The following OPA3 variants were observed in gnomAD, a reference collection of about 807,000 sequenced individuals.
OPA3 encodes the protein outer mitochondrial membrane lipid metabolism regulator OPA3.
A neutral mutation model predicts 4.0 loss-of-function variants in OPA3; 6 were observed. The ratio of observed to expected loss-of-function variants is 1.51; its 90% CI spans 0.83 to 2.99. The LOEUF (loss-of-function observed/expected upper bound fraction) is 2.99. Ranked by LOEUF, OPA3 falls within the 30% of genes most tolerant of loss-of-function variation. The probability of loss-of-function intolerance (pLI) is 0.00; values close to 1 mark genes in which losing one functional copy is unlikely to be tolerated. For missense variants in OPA3, 235 were observed against 256.2 expected (o/e 0.92, Z 0.56); for synonymous variants, 105 against 117.1 (o/e 0.90, Z 0.67).
At chr19:45,565,045 T>G (rs544170184) in intron 1 of OPA3, among the ~76,000 whole-genome samples, 34 of 151,158 alleles carry the variant, frequency 2.2e-4, no homozygotes, top group Admixed American at 7.2e-4. Flanking sequence ...GCCAACATGG[T>G]GAAACCTCAT....
At chr19:45,541,453 C>T (rs1969184537), downstream of OPA3, among the ~76,000 whole-genome samples, 1 of 152,122 alleles carries the variant, frequency 6.6e-6, no homozygotes, top group South Asian at 2.1e-4. Context: ...GGCTTGTAAT[C>T]CCAGCACTTT....
At position 45,549,256 on chromosome 19, in the gene OPA3, T is replaced by C. The variant is rs2040731152; in HGVS notation, c.*4258A>G. 1.0e-6 allele frequency: 1 copy of C among 985,436 alleles called. No homozygotes were observed. The allele number at this position is 985,436 out of a possible 1,614,324, so 61.0% of individuals were successfully genotyped here. A position where few individuals can be genotyped will look rare whatever the true frequency, so the allele number is the denominator to read the frequency against. On this transcript the variant is annotated 3_prime_UTR_variant, in exon 2 of 2. Coordinates refer to ENST00000263275, the MANE Select transcript of OPA3 (RefSeq NM_025136.4). ...GAGCAGTGAACCATCCTCTGGCCTCTTGCATTTTGAGAGGACGTTCTTTCC... is the reference window on the plus strand; with the variant it reads ...GAGCAGTGAACCATCCTCTGGCCTCCTGCATTTTGAGAGGACGTTCTTTCC...
At chr19:45,568,382 G>GT (rs990139137) in intron 1 of OPA3, among the ~76,000 whole-genome samples, 20 of 152,026 alleles carry the variant, frequency 1.3e-4, no homozygotes, top group African/African-American at 4.8e-4. Context: ...TAGAGATGGG[G>GT]TTTCACCATG....
chr19:45,539,492 T>C (rs547482382), intron 1 of OPA3, among the ~76,000 whole-genome samples: 2 of 152,286 alleles, frequency 1.3e-5, no homozygotes, highest in South Asian at 2.1e-4. Flanking sequence ...AATTTCTGTA[T>C]GTTTTGTAGA....
At chr19:45,560,643 G>A (rs917737547) in intron 1 of OPA3, among the ~76,000 whole-genome samples, 2 of 152,034 alleles carry the variant, frequency 1.3e-5, no homozygotes, top group African/African-American at 2.4e-5. Flanking sequence ...CCCTTTCCTC[G>A]GCCTCAGTGG....
intron 1 of OPA3, among the ~76,000 whole-genome samples, chr19:45,572,532 A>C (rs999400019): frequency 1.6e-5 from 2 of 122,354 alleles, no homozygotes; most frequent in Non-Finnish European, 3.5e-5. Context: ...TGAGATATAT[A>C]TATCATATGA....
Position 45,559,393 on chromosome 19 carries a change from C to CTTT in OPA3, c.143-5485_143-5483dup, listed in dbSNP as rs1411300137. Among the ~76,000 whole-genome samples, 103 of 97,802 alleles carry CTTT rather than the reference C, an allele frequency of 1.1e-3. 3 individuals are homozygous for CTTT. The highest frequency in any genetic ancestry group is 2.0e-3 in the African/African-American group (47 of 24,084). The allele number at this position is 97,802 out of a possible 152,430, so 64.2% of individuals were successfully genotyped here. A position where few individuals can be genotyped will look rare whatever the true frequency, so the allele number is the denominator to read the frequency against. On this transcript the variant is annotated intron_variant, in intron 1 of 1. Transcript: ENST00000263275. Reference sequence around the variant, plus strand: ...TTCTCTCTCTTCTTTCCCTCTTTTTCTTTCTTTTTTTTTTTTTTTTTTTTT... The same window carrying CTTT: ...TTCTCTCTCTTCTTTCCCTCTTTTTCTTTTTTCTTTTTTTTTTTTTTTTTTTTT...
intron 1 of OPA3, among the ~76,000 whole-genome samples, chr19:45,556,544 G>T (rs913172371): frequency 6.6e-6 from 1 of 151,952 alleles, no homozygotes; most frequent in African/African-American, 2.4e-5. Context: ...TTTTGGTAGA[G>T]ACTGGGTCTT....
chr19:45,537,410 A>AAG, intron 1 of OPA3, among the ~76,000 whole-genome samples: 1 of 120,060 alleles, frequency 8.3e-6, no homozygotes, highest in South Asian at 3.1e-4. Context: ...AAAAAAAAAA[A>AAG]AAAAAAAAAA....
Position 45,548,130 on chromosome 19 carries a change from C to T in OPA3, c.*5384G>A. The T allele has an allele frequency of 1.0e-6, 1 of 985,694 alleles. No individual in the cohort carries two copies. The highest frequency in any genetic ancestry group is 1.2e-6 in the Non-Finnish European group (1 of 830,076). 61.1% of individuals were successfully genotyped at this position (985,694 alleles called of 1,614,324 possible). A position where few individuals can be genotyped will look rare whatever the true frequency, so the allele number is the denominator to read the frequency against. On this transcript the variant is annotated 3_prime_UTR_variant, in exon 2 of 2. Coordinates refer to ENST00000263275, the MANE Select transcript of OPA3 (RefSeq NM_025136.4). ...TTGATCCTCAGTACACTCAGAGTTGCCATGCTTCTCCTCTCTCTGTCCACA... is the reference window on the plus strand; with the variant it reads ...TTGATCCTCAGTACACTCAGAGTTGTCATGCTTCTCCTCTCTCTGTCCACA...
At chr19:45,534,833 A>G (rs1245343923) in intron 1 of OPA3, among the ~76,000 whole-genome samples, 1 of 151,804 alleles carries the variant, frequency 6.6e-6, no homozygotes, top group East Asian at 2.0e-4. Context: ...GGGTTTCACT[A>G]TGTTGGTCAG....
chr19:45,549,010 G>T lies in OPA3; in HGVS notation c.*4504C>A. 2.1e-6 allele frequency: 1 copy of T among 479,862 alleles called. No homozygotes were observed. Among genetic ancestry groups the T allele is most frequent in the Non-Finnish European group, 2.7e-6 (1 of 368,396 alleles). 29.7% of individuals were successfully genotyped at this position (479,862 alleles called of 1,614,324 possible). ...AGTAGAGACGAGGTTTCACCATGTT[G>T]ATCAGGTTGGTCTTGAACTCCTGAC... On this transcript the variant is annotated 3_prime_UTR_variant, in exon 2 of 2. Coordinates refer to ENST00000263275, the MANE Select transcript of OPA3 (RefSeq NM_025136.4).
In OPA3 at chr19:45,568,554, G is replaced by A. The variant is rs10415372; in HGVS notation, c.143-14643C>T. 7.9e-3 allele frequency among the ~76,000 whole-genome samples: 1,197 copies of A among 152,208 alleles called. 14 individuals are homozygous for A. The highest frequency in any genetic ancestry group is 0.026 in the African/African-American group (1,067 of 41,520). On this transcript the variant is annotated intron_variant, in intron 1 of 1. Transcript: ENST00000263275. Reference sequence around the variant, plus strand: ...AAGTATTAACAGAATTGTGCAGGCCGCAATAGGCAGTGCTTCCTCCCACAG... The same window carrying A: ...AAGTATTAACAGAATTGTGCAGGCCACAATAGGCAGTGCTTCCTCCCACAG...
At chr19:45,558,399 A>G (rs1599970758) in intron 1 of OPA3, among the ~76,000 whole-genome samples, 1 of 152,160 alleles carries the variant, frequency 6.6e-6, no homozygotes, top group Non-Finnish European at 1.5e-5. Context: ...GCCGCAAATA[A>G]AAGTAACACA....
intron 1 of OPA3, among the ~76,000 whole-genome samples, chr19:45,579,761 A>ATAC (rs1333540719): frequency 6.6e-6 from 1 of 152,026 alleles, no homozygotes; most frequent in Admixed American, 6.6e-5. Context: ...AATAATAATA[A>ATAC]TAGTATCTAC....
intron 1 of OPA3, among the ~76,000 whole-genome samples, chr19:45,570,347 C>T (rs1158516901): frequency 1.3e-5 from 2 of 152,154 alleles, no homozygotes; most frequent in African/African-American, 4.8e-5. Flanking sequence ...AGACTATGTG[C>T]CTTAGTTAGG....
chr19:45,559,455 G>A (rs1969473213), intron 1 of OPA3, among the ~76,000 whole-genome samples: 1 of 112,538 alleles, frequency 8.9e-6, no homozygotes, highest in Admixed American at 1.4e-4. Context: ...CAGGTGGACT[G>A]TAGTGGCACA....
At chr19:45,535,744 T>C (rs1414805086) in intron 1 of OPA3, among the ~76,000 whole-genome samples, 1 of 148,170 alleles carries the variant, frequency 6.7e-6, no homozygotes, top group African/African-American at 2.5e-5. Context: ...TTGAACATAA[T>C]AACTGTTTTT....
At chr19:45,556,346 T>C (rs1254091391) in intron 1 of OPA3, among the ~76,000 whole-genome samples, 2 of 150,996 alleles carry the variant, frequency 1.3e-5, no homozygotes, top group Non-Finnish European at 2.9e-5. Flanking sequence ...GGTCTTGCCA[T>C]ATTCCATCTT....
Sources: allele counts gnomAD v4.1 joint callset (sites outside exome capture counted in the v4.1 genomes callset), GRCh38; gene constraint gnomAD v4.1.1; transcripts MANE v1.5; gene names NCBI Gene and HGNC (gene_info 2026-07-23, HGNC 2026-07-21).